Variants in VAT1L observed in about 807,000 individuals in gnomAD.
VAT1L encodes the protein putative NADPH-dependent quinone oxidoreductase VAT1L.
A neutral mutation model predicts 44.1 loss-of-function variants in VAT1L; 34 were observed. The ratio of observed to expected loss-of-function variants is 0.77; its 90% CI spans 0.59 to 1.03. The LOEUF (loss-of-function observed/expected upper bound fraction) is 1.03, where lower values mean the gene tolerates loss of function less well. Ranked by LOEUF, VAT1L falls within the 50% of genes least tolerant of loss-of-function variation. The pLI, the probability that VAT1L is intolerant of heterozygous loss-of-function variation, is 0.00. For missense variants in VAT1L, 615 were observed against 538.8 expected (o/e 1.14, Z -1.40); for synonymous variants, 253 against 202.2 (o/e 1.25, Z -2.13).
At chr16:77,830,525 G>A (rs1383617659) in intron 3 of VAT1L, among the ~76,000 whole-genome samples, 3 of 152,074 alleles carry the variant, frequency 2.0e-5, no homozygotes, top group Non-Finnish European at 2.9e-5. Context: ...CTTGTGATAC[G>A]GAGTAATTCT....
At chr16:77,821,789 TACTG>T (rs1299472734) in intron 2 of VAT1L, among the ~76,000 whole-genome samples, 12 of 152,038 alleles carry the variant, frequency 7.9e-5, no homozygotes, top group African/African-American at 2.9e-4. Flanking sequence ...TAAACAGAGA[TACTG>T]ACAGCAATAA....
chr16:77,967,122 C>G (rs2018231659), intron 7 of VAT1L, among the ~76,000 whole-genome samples: 1 of 152,092 alleles, frequency 6.6e-6, no homozygotes, highest in Non-Finnish European at 1.5e-5. Flanking sequence ...TTTGTGCAGA[C>G]TTTGCTTTGC....
intron 3 of VAT1L, among the ~76,000 whole-genome samples, chr16:77,846,619 A>C (rs1180920313): frequency 6.6e-6 from 1 of 152,216 alleles, no homozygotes; most frequent in Non-Finnish European, 1.5e-5. Context: ...TGGCTTCTGA[A>C]ACTTAGAATC....
At chr16:77,811,694 T>G (rs779280169) in intron 1 of VAT1L, among the ~76,000 whole-genome samples, 1 of 152,144 alleles carries the variant, frequency 6.6e-6, no homozygotes, top group Non-Finnish European at 1.5e-5. Flanking sequence ...CAATGTTTGT[T>G]GACTTTGGCA....
intron 3 of VAT1L, among the ~76,000 whole-genome samples, chr16:77,826,510 C>G (rs938490409): frequency 6.6e-6 from 1 of 152,182 alleles, no homozygotes; most frequent in Non-Finnish European, 1.5e-5. Context: ...AGTGGTTGCA[C>G]ATGTCAGCGT....
intron 6 of VAT1L, among the ~76,000 whole-genome samples, chr16:77,880,903 C>T (rs1597080778): frequency 6.6e-6 from 1 of 152,146 alleles, no homozygotes; most frequent in African/African-American, 2.4e-5. Context: ...CCAGCTGCAT[C>T]CACGTTGCTG....
chr16:77,869,194 C>T (rs1187225293), intron 4 of VAT1L, among the ~76,000 whole-genome samples: 1 of 152,094 alleles, frequency 6.6e-6, no homozygotes, highest in African/African-American at 2.4e-5. Flanking sequence ...GAGAGAATGA[C>T]CTATGACTAG....
At chr16:77,905,177 T>C (rs1353747710) in intron 7 of VAT1L, among the ~76,000 whole-genome samples, 1 of 152,186 alleles carries the variant, frequency 6.6e-6, no homozygotes, top group Non-Finnish European at 1.5e-5. Flanking sequence ...TGGCAACCTG[T>C]AAAGAAAATT....
At chr16:77,821,300 CTTTT>C (rs753506804) in intron 2 of VAT1L, among the ~76,000 whole-genome samples, 1 of 135,234 alleles carries the variant, frequency 7.4e-6, no homozygotes, top group Non-Finnish European at 1.6e-5. Flanking sequence ...GAAATCTTGT[CTTTT>C]TTTTTTTTTT....
chr16:77,970,480 C>T (rs1161791785), intron 7 of VAT1L, among the ~76,000 whole-genome samples: 1 of 152,130 alleles, frequency 6.6e-6, no homozygotes, highest in African/African-American at 2.4e-5. Flanking sequence ...TCTCATTTAG[C>T]AATATTACAA....
intron 3 of VAT1L, among the ~76,000 whole-genome samples, chr16:77,843,530 G>A (rs568978331): frequency 6.6e-6 from 1 of 152,340 alleles, no homozygotes; most frequent in African/African-American, 2.4e-5. Context: ...ACACCAGTGA[G>A]GCTGAAAGCC....
chr16:77,808,133 G>A lies in VAT1L; in HGVS notation c.234-8788G>A, dbSNP rs535478525. Among the ~76,000 whole-genome samples, 106 of 152,166 alleles carry A rather than the reference G, an allele frequency of 7.0e-4. 1 individual carries two copies. The highest frequency in any genetic ancestry group is 4.4e-3 in the South Asian group (21 of 4,806). ...AAGTGAAGCTTCGTCTCTATTTAGA[G>A]CCACTACCCGTCACTCGCATTACCA... On this transcript the variant is annotated intron_variant, in intron 1 of 8. Transcript: ENST00000302536.
At chr16:77,908,224 G>C (rs1156307984) in intron 7 of VAT1L, among the ~76,000 whole-genome samples, 2 of 147,810 alleles carry the variant, frequency 1.4e-5, no homozygotes, top group Non-Finnish European at 3.0e-5. Context: ...GGGTGACAGA[G>C]TGAGACTCTG....
chr16:77,789,865 A>G (rs1279635620), intron 1 of VAT1L, among the ~76,000 whole-genome samples: 4 of 152,034 alleles, frequency 2.6e-5, no homozygotes, highest in African/African-American at 9.7e-5. Flanking sequence ...GGGCACTGTA[A>G]TTTCCCTGAA....
At chr16:77,928,569 T>C (rs1479454964) in intron 7 of VAT1L, among the ~76,000 whole-genome samples, 1 of 152,186 alleles carries the variant, frequency 6.6e-6, no homozygotes, top group Non-Finnish European at 1.5e-5. Flanking sequence ...CAACATTTCC[T>C]CTTAAATAAG....
chr16:77,846,399 T>C (rs550753351), intron 3 of VAT1L, among the ~76,000 whole-genome samples: 2 of 152,284 alleles, frequency 1.3e-5, no homozygotes, highest in East Asian at 3.9e-4. Flanking sequence ...TACTGAACCC[T>C]TTGACCTCAC....
intron 7 of VAT1L, among the ~76,000 whole-genome samples, chr16:77,910,410 T>C (rs369122787): frequency 0.017 from 2,629 of 152,236 alleles, 32 homozygotes; most frequent in African/African-American, 0.023. Flanking sequence ...TGGTGGCTCA[T>C]GCCTGTAATC....
At chr16:77,797,769 C>T (rs1035155785) in intron 1 of VAT1L, among the ~76,000 whole-genome samples, 4 of 152,084 alleles carry the variant, frequency 2.6e-5, no homozygotes, top group Non-Finnish European at 5.9e-5. Flanking sequence ...TAAGAGAGAG[C>T]CTTTTGGACA....
chr16:77,952,129 A>C (rs551885609), intron 7 of VAT1L, among the ~76,000 whole-genome samples: 2 of 152,300 alleles, frequency 1.3e-5, no homozygotes, highest in East Asian at 3.9e-4. Flanking sequence ...TTTTGAAGGG[A>C]TGGTTCCCAA....
Sources: allele counts gnomAD v4.1 joint callset (sites outside exome capture counted in the v4.1 genomes callset), GRCh38; gene constraint gnomAD v4.1.1; transcripts MANE v1.5; gene names NCBI Gene and HGNC (gene_info 2026-07-23, HGNC 2026-07-21).